The following DENND1B variants were observed in gnomAD, a reference collection of about 807,000 sequenced individuals.
DENND1B encodes the protein DENN domain containing 1B.
A neutral mutation model predicts 90.1 loss-of-function variants in DENND1B; 59 were observed. The ratio of observed to expected loss-of-function variants is 0.65; its 90% CI spans 0.53 to 0.81. DENND1B has a LOEUF of 0.81. DENND1B is among the 40% of genes least tolerant of loss of function. The pLI is 0.00. For synonymous variants in DENND1B, 337 were observed against 324.6 expected (o/e 1.04, Z -0.41); for missense variants, 862 against 912.6 (o/e 0.94, Z 0.71).
intron 7 of DENND1B, among the ~76,000 whole-genome samples, chr1:197,649,809 G>T (rs1317379540): frequency 6.6e-6 from 1 of 152,034 alleles, no homozygotes; most frequent in African/African-American, 2.4e-5. Context: ...ATTGGCTTAG[G>T]CAAGGATCTC....
intron 6 of DENND1B, among the ~76,000 whole-genome samples, chr1:197,656,727 T>G (rs568342027): frequency 1.1e-4 from 17 of 152,004 alleles, no homozygotes; most frequent in African/African-American, 4.1e-4. Context: ...TGCTTGATCC[T>G]AGGAGGCTGA....
At chr1:197,631,942 T>C (rs1433256624) in intron 10 of DENND1B, among the ~76,000 whole-genome samples, 4 of 152,108 alleles carry the variant, frequency 2.6e-5, no homozygotes, top group Non-Finnish European at 5.9e-5. Flanking sequence ...TGGTAAAGAC[T>C]TGTCCTGTGT....
intron 2 of DENND1B, chr1:197,735,502 A>G: frequency 1.3e-6 from 2 of 1,594,026 alleles, no homozygotes; most frequent in Non-Finnish European, 8.6e-7. Flanking sequence ...TTTGCTTAAC[A>G]GTTTATGTTT....
chr1:197,613,203 C>A (rs768147701), intron 11 of DENND1B, among the ~76,000 whole-genome samples: 1 of 150,764 alleles, frequency 6.6e-6, no homozygotes, highest in Non-Finnish European at 1.5e-5. Context: ...ATAGATTACA[C>A]AGCCACCCTG....
chr1:197,708,190 A>C, intron 3 of DENND1B, among the ~76,000 whole-genome samples: 1 of 89,796 alleles, frequency 1.1e-5, no homozygotes, highest in Non-Finnish European at 2.2e-5. Context: ...TAGGTAAACA[A>C]AGCAGCCGGG....
intron 3 of DENND1B, among the ~76,000 whole-genome samples, chr1:197,703,563 AC>A (rs1659243532): frequency 6.6e-6 from 1 of 152,174 alleles, no homozygotes; most frequent in Non-Finnish European, 1.5e-5. Context: ...GACTTTGCAG[AC>A]CTCTGAGATG....
intron 15 of DENND1B, among the ~76,000 whole-genome samples, chr1:197,555,030 A>G (rs1217939825): frequency 6.6e-6 from 1 of 152,044 alleles, no homozygotes; most frequent in Non-Finnish European, 1.5e-5. Flanking sequence ...ATAAAGCTGC[A>G]CACCTACAAC....
intron 3 of DENND1B, among the ~76,000 whole-genome samples, chr1:197,685,305 A>G (rs1287255156): frequency 6.6e-6 from 1 of 152,182 alleles, no homozygotes; most frequent in Non-Finnish European, 1.5e-5. Context: ...GGAATCTGTA[A>G]ATAAGACAAA....
chr1:197,774,956 C>A (rs1218601475), intron 1 of DENND1B, among the ~76,000 whole-genome samples, 183 bp downstream of exon 1: 2 of 152,014 alleles, frequency 1.3e-5, no homozygotes, highest in Non-Finnish European at 1.5e-5. Context: ...GCAGGCTTTG[C>A]GGCCTAGCGC....
At chr1:197,549,390 AAAAT>A in intron 16 of DENND1B, among the ~76,000 whole-genome samples, 1 of 152,282 alleles carries the variant, frequency 6.6e-6, no homozygotes, top group East Asian at 1.9e-4. Flanking sequence ...TAAGAATGGA[AAAAT>A]AAATAAATGA....
chr1:197,525,801 A>G (rs1558201269), intron 20 of DENND1B, among the ~76,000 whole-genome samples: 2 of 152,188 alleles, frequency 1.3e-5, no homozygotes, highest in Middle Eastern at 3.4e-3. Flanking sequence ...TGTTAAATGA[A>G]TCAAAGGTCT....
At chr1:197,770,049 A>G (rs1419378845) in intron 2 of DENND1B, among the ~76,000 whole-genome samples, 1 of 152,148 alleles carries the variant, frequency 6.6e-6, no homozygotes, top group Non-Finnish European at 1.5e-5. Flanking sequence ...TACTGATTAT[A>G]GTTATTACTT....
chr1:197,549,978 C>G (rs4915553), intron 16 of DENND1B, among the ~76,000 whole-genome samples: 150,567 of 152,230 alleles, frequency 0.99, 74,475 homozygotes, highest in East Asian at 1. Context: ...TAATGATAAA[C>G]CTCCATCATA....
intron 16 of DENND1B, among the ~76,000 whole-genome samples, chr1:197,550,302 A>T (rs1236300316): frequency 6.6e-6 from 1 of 152,116 alleles, no homozygotes; most frequent in Non-Finnish European, 1.5e-5. Context: ...CTACTATAAA[A>T]AACAGTATAT....
chr1:197,597,871 G>A (rs4427436), intron 13 of DENND1B, among the ~76,000 whole-genome samples: 145,381 of 151,824 alleles, frequency 0.96, 69,905 homozygotes, highest in South Asian at 1. Context: ...GAGATTTGCC[G>A]TAAGAGTAAA....
intron 20 of DENND1B, among the ~76,000 whole-genome samples, chr1:197,538,451 T>A (rs908199442): frequency 1.3e-5 from 2 of 152,104 alleles, no homozygotes; most frequent in African/African-American, 4.8e-5. Context: ...GAACAGACAA[T>A]CAGTACTGAC....
intron 10 of DENND1B, among the ~76,000 whole-genome samples, chr1:197,638,995 TAAC>T (rs1226563067): frequency 2.6e-5 from 4 of 152,058 alleles, no homozygotes; most frequent in African/African-American, 4.8e-5. Context: ...GTTGAAAACA[TAAC>T]AATATTCTTG....
chr1:197,751,963 A>G (rs1437422209), intron 2 of DENND1B, among the ~76,000 whole-genome samples: 7 of 104,060 alleles, frequency 6.7e-5, no homozygotes, highest in Middle Eastern at 4.3e-3. Context: ...GGAAGGGGGG[A>G]GGAGGAGGAG....
At chr1:197,579,563 A>C (rs1218936827) in intron 15 of DENND1B, among the ~76,000 whole-genome samples, 1 of 152,142 alleles carries the variant, frequency 6.6e-6, no homozygotes, top group Non-Finnish European at 1.5e-5. Context: ...TAAATTTATG[A>C]AGTGTATTTT....
Sources: gnomAD v4.1 joint callset for allele counts (sites outside exome capture counted in the v4.1 genomes callset) on GRCh38, gnomAD v4.1.1 for gene constraint, MANE v1.5 for transcripts, NCBI Gene and HGNC (gene_info 2026-07-23, HGNC 2026-07-21) for gene names.